PDE6A: variants seen among roughly 807,000 people sequenced by gnomAD.
PDE6A encodes the protein rod cGMP-specific 3',5'-cyclic phosphodiesterase subunit alpha.
In PDE6A, 84 loss-of-function variants were observed where a neutral mutation model predicts 106.3. That is an observed-to-expected ratio of 0.79 (90% CI 0.66 to 0.95). The LOEUF (loss-of-function observed/expected upper bound fraction) is 0.95, where lower values mean the gene tolerates loss of function less well. Ranked by LOEUF, PDE6A falls within the 40% of genes least tolerant of loss-of-function variation. The pLI is 0.00. For missense variants in PDE6A, 1,052 were observed against 1,084.9 expected, an observed-to-expected ratio of 0.97 and a Z score of 0.43; for synonymous variants, 394 against 386.6, an observed-to-expected ratio of 1.02 and a Z score of -0.23.
chr5:149,886,788 G>A (rs1237714739), intron 13 of PDE6A, among the ~76,000 whole-genome samples: 2 of 152,194 alleles, frequency 1.3e-5, no homozygotes, highest in African/African-American at 2.4e-5. Context: ...TCTTCCAAAC[G>A]TGGTCTACTG....
intron 5 of PDE6A, 69 bp from the exon 6 acceptor site, chr5:149,915,076 C>A (rs1753511175): frequency 3.9e-6 from 4 of 1,020,490 alleles, no homozygotes; most frequent in South Asian, 1.4e-5. Context: ...ACTTTGTCGC[C>A]CAGGCTGGAG....
At chr5:149,905,083 C>A (rs769260190) in intron 7 of PDE6A, among the ~76,000 whole-genome samples, 4 of 152,198 alleles carry the variant, frequency 2.6e-5, no homozygotes, top group Admixed American at 6.5e-5. Flanking sequence ...CACTCTGCTG[C>A]ATGTCATCAT....
At chr5:149,893,110 C>T (rs577258780) in intron 13 of PDE6A, among the ~76,000 whole-genome samples, 1 of 152,316 alleles carries the variant, frequency 6.6e-6, no homozygotes, top group South Asian at 2.1e-4. Flanking sequence ...GTTAAAGAAG[C>T]CCTTTGTGAC....
chr5:149,888,635 A>G lies in PDE6A; in HGVS notation c.1729-2261T>C, dbSNP rs187286770. Among the ~76,000 whole-genome samples the G allele has an allele frequency of 2.6e-4, 40 of 151,910 alleles. 1 individual carries two copies. In the East Asian group the frequency reaches 4.8e-3, roughly 18 times the overall value. ...ATGTTTTATTTTGTTAAGGGTGAAA[A>G]GAGAAACTTTTGTCCTAATGTAGGA... On this transcript the variant is annotated intron_variant, in intron 13 of 21. Coordinates refer to ENST00000255266, the MANE Select transcript of PDE6A (RefSeq NM_000440.3).
intron 13 of PDE6A, among the ~76,000 whole-genome samples, chr5:149,892,876 G>A (rs973895394): frequency 1.7e-4 from 26 of 152,168 alleles, no homozygotes; most frequent in South Asian, 2.1e-4. Context: ...ATTGCATTAG[G>A]CAAAGCTAAC....
At chr5:149,905,321 A>G (rs2544937) in intron 7 of PDE6A, among the ~76,000 whole-genome samples, 10,384 of 152,070 alleles carry the variant, frequency 0.068, 461 homozygotes, top group Middle Eastern at 0.11. Context: ...CCACACTCAT[A>G]ATTTCAAACA....
Position 149,860,896 on chromosome 5 carries a change from T to G in PDE6A, c.2582A>C (p.Ter861SerextTer18). 1 of 1,613,276 alleles carries G rather than the reference T, an allele frequency of 6.2e-7. No individual in the cohort carries two copies. Among genetic ancestry groups the G allele is most frequent in the Non-Finnish European group, 8.5e-7 (1 of 1,179,194 alleles). The change falls in exon 22 of 22, where the codon TAA (stop) becomes TCA (serine). Residue 861 changes from the stop codon to serine (S), a stop_lost. Transcript: ENST00000255266. Reference protein sequence around the residue: ...ATTSKSCCIQ* With the variant: ...ATTSKSCCIQS ...CCAGCCAGCACATCCCCAGTGGTGT[T>G]ACTGGATGCAGCAGGACTTGGATGT... is the stretch of plus-strand genomic sequence containing the variant.
In PDE6A at chr5:149,894,881, G is replaced by C. The variant is rs185272865; in HGVS notation, c.1728+302C>G. Among the ~76,000 whole-genome samples the C allele has an allele frequency of 3.9e-5, 6 of 152,028 alleles. 1 individual carries two copies. The highest frequency in any genetic ancestry group is 3.9e-4 in the Admixed American group (6 of 15,284). On this transcript the variant is annotated intron_variant, in intron 13 of 21. Transcript: ENST00000255266. ...CCTGACCTCGTGATCCACCCGCCTC[G>C]GCATCCCAAAGTGTTGGGATTACAG...
chr5:149,925,639 G>A (rs560752932), intron 4 of PDE6A, among the ~76,000 whole-genome samples: 3 of 151,010 alleles, frequency 2.0e-5, no homozygotes, highest in South Asian at 2.1e-4. Context: ...CCCAGGAGGC[G>A]GAGGTTGCAG....
Position 149,863,065 on chromosome 5 carries a change from C to G in PDE6A, c.2506+54G>C. On this transcript the variant is annotated intron_variant, in intron 21 of 21. Transcript: ENST00000255266. This position sits in a 1 kb window ranked among gnomAD's most constrained non-coding sequence, Gnocchi z 4.7. Reference sequence around the variant, plus strand: ...GAGTCTCTGAGGCAGGACGCAGACACTGAGTGCTCAGGGAGTGGGGTGGTG... The same window carrying G: ...GAGTCTCTGAGGCAGGACGCAGACAGTGAGTGCTCAGGGAGTGGGGTGGTG... The G allele has an allele frequency of 5.6e-6, 9 of 1,609,992 alleles. No individual in the cohort carries two copies. The highest frequency in any genetic ancestry group is 7.7e-6 in the Non-Finnish European group (9 of 1,176,244).
chr5:149,890,698 C>A (rs1752513136), intron 13 of PDE6A, among the ~76,000 whole-genome samples: 1 of 152,122 alleles, frequency 6.6e-6, no homozygotes, highest in African/African-American at 2.4e-5. Flanking sequence ...CTTTCCTGAG[C>A]AACTCTAAGC....
chr5:149,870,885 A>T (rs543301437), intron 17 of PDE6A, among the ~76,000 whole-genome samples: 17 of 151,904 alleles, frequency 1.1e-4, no homozygotes, highest in South Asian at 8.3e-4. Flanking sequence ...AAGAGAAAGA[A>T]AGAAAAAGAA....
At position 149,896,830 on chromosome 5, in the gene PDE6A, C is replaced by G; in HGVS notation, c.1408-54G>C. 6.3e-6 allele frequency: 10 copies of G among 1,578,422 alleles called. No individual in the cohort carries two copies. The Middle Eastern group carries it at 5.0e-4, about 79-fold the overall frequency. ...AAAAATAGGTTACAACATGCCTCCG[C>G]GTTTCCATTCCCATTTATCTCCTTC... On this transcript the variant is annotated intron_variant, in intron 10 of 21. Coordinates refer to ENST00000255266, the MANE Select transcript of PDE6A (RefSeq NM_000440.3).
At position 149,863,283 on chromosome 5, in the gene PDE6A, G is replaced by A. The variant is rs368621811; in HGVS notation, c.2359-17C>T. ...GGAGAATTCCTAGAAGAGAGAGTAT[G>A]TGCCTCTGGTGCAAGGGCCAGGCCA... On this transcript the variant is annotated splice_polypyrimidine_tract_variant and intron_variant, in intron 20 of 21. Transcript: ENST00000255266. The surrounding 1 kb of genome is among the most constrained non-coding windows in gnomAD (Gnocchi z 4.7). The A allele has an allele frequency of 1.8e-5, 29 of 1,613,838 alleles. 1 individual carries two copies. In the African/African-American group the frequency reaches 2.7e-4, roughly 15 times the overall value.
At chr5:149,880,576 G>A (rs529823355) in intron 17 of PDE6A, among the ~76,000 whole-genome samples, 1 of 151,926 alleles carries the variant, frequency 6.6e-6, no homozygotes, top group Admixed American at 6.6e-5. Context: ...AGCCGGGCAT[G>A]GTGTCGCATG....
chr5:149,907,758 A>C (rs1753247499), intron 6 of PDE6A, among the ~76,000 whole-genome samples: 1 of 152,228 alleles, frequency 6.6e-6, no homozygotes, highest in African/African-American at 2.4e-5. Context: ...ACCATGTGCT[A>C]AGCACTAAGC....
chr5:149,871,555 G>C (rs1760552439), intron 17 of PDE6A, among the ~76,000 whole-genome samples: 1 of 152,038 alleles, frequency 6.6e-6, no homozygotes, highest in Non-Finnish European at 1.5e-5. Context: ...CTAGTGTGCA[G>C]GGCCTGGTAG....
intron 21 of PDE6A, among the ~76,000 whole-genome samples, chr5:149,862,512 A>G (rs1290861594): frequency 6.6e-6 from 1 of 152,186 alleles, no homozygotes; most frequent in Non-Finnish European, 1.5e-5. Flanking sequence ...TAATCCCAAC[A>G]CTTTGAGAGG....
Position 149,933,912 on chromosome 5 carries a change from T to A in PDE6A, c.717+18A>T, listed in dbSNP as rs1754114173. ...GAAAGGACGAGTCAAGTCCATTCCC[T>A]TGGCCCAAGCCCCTTACCTGGCCAC... On this transcript the variant is annotated intron_variant, in intron 3 of 21. Transcript: ENST00000255266. The A allele has an allele frequency of 1.3e-6, 2 of 1,594,732 alleles. No individual in the cohort carries two copies. Among genetic ancestry groups the A allele is most frequent in the Non-Finnish European group, 1.7e-6 (2 of 1,163,254 alleles).
Sources: gnomAD v4.1 joint callset for allele counts (sites outside exome capture counted in the v4.1 genomes callset) on GRCh38, gnomAD v4.1.1 for gene constraint, Gnocchi (gnomAD v3.1) non-coding constraint, MANE v1.5 for transcripts, NCBI Gene and HGNC (gene_info 2026-07-23, HGNC 2026-07-21) for gene names.